The following CREB5 variants were observed in gnomAD, a reference collection of about 807,000 sequenced individuals.
CREB5 encodes the protein cAMP responsive element binding protein 5.
In CREB5, 19 loss-of-function variants were observed where a neutral mutation model predicts 57.1. That is an observed-to-expected ratio of 0.33 (90% CI 0.23 to 0.49). The LOEUF (loss-of-function observed/expected upper bound fraction) is 0.49. CREB5 is among the 20% of genes least tolerant of loss of function. The pLI is 0.99. For missense variants in CREB5, 579 were observed against 671.6 expected (o/e 0.86, Z 1.52); for synonymous variants, 238 against 238.3 (o/e 1.00, Z 0.01).
At chr7:28,815,965 A>T (rs2128808384) in intron 9 of CREB5, among the ~76,000 whole-genome samples, 1 of 152,176 alleles carries the variant, frequency 6.6e-6, no homozygotes, top group African/African-American at 2.4e-5. Flanking sequence ...TCAGGGGGCA[A>T]GGTGTCTAGC....
At chr7:28,766,692 T>C (rs1355243744) in intron 7 of CREB5, among the ~76,000 whole-genome samples, 1 of 152,150 alleles carries the variant, frequency 6.6e-6, no homozygotes, top group African/African-American at 2.4e-5. Context: ...TGCTTGGTTG[T>C]TGAAATGGAA....
chr7:28,415,213 G>GT (rs1787978745), intron 1 of CREB5, among the ~76,000 whole-genome samples: 1 of 152,108 alleles, frequency 6.6e-6, no homozygotes, highest in African/African-American at 2.4e-5. Flanking sequence ...GATTCTGATG[G>GT]TGAGTTACAA....
intron 1 of CREB5, among the ~76,000 whole-genome samples, chr7:28,475,250 CTTTTTTTTTTTTTTTTTTTTTT>C (rs530903709): frequency 1.2e-4 from 7 of 59,586 alleles, no homozygotes; most frequent in African/African-American, 5.2e-4. Flanking sequence ...TCAGAAGTTT[CTTTTTTTTTTTTTTTTTTTTTT>C]TTTTTTTTTT....
At chr7:28,696,827 C>CATACACATACGTATAT (rs1355926650) in intron 5 of CREB5, among the ~76,000 whole-genome samples, 2 of 141,262 alleles carry the variant, frequency 1.4e-5, no homozygotes, top group Non-Finnish European at 3.2e-5. Flanking sequence ...TATACGTATA[C>CATACACATACGTATAT]ATACACATAC....
intron 1 of CREB5, among the ~76,000 whole-genome samples, chr7:28,322,723 T>C (rs1785514978): frequency 6.6e-6 from 1 of 152,178 alleles, no homozygotes; most frequent in Non-Finnish European, 1.5e-5. Flanking sequence ...TGTTCCTGTG[T>C]TAGTTTGCTG....
At chr7:28,686,040 G>A (rs1254679440) in intron 5 of CREB5, 1 of 1,275,414 alleles carries the variant, frequency 7.8e-7, no homozygotes, top group Non-Finnish European at 1.1e-6. Flanking sequence ...GCAAAAGAAG[G>A]GCCAGCACAT....
chr7:28,767,429 C>T (rs138176988), intron 7 of CREB5, among the ~76,000 whole-genome samples: 181 of 152,258 alleles, frequency 1.2e-3, no homozygotes, highest in Non-Finnish European at 2.2e-3. Flanking sequence ...ACTATCTTTT[C>T]AGGAATCTTC....
chr7:28,382,717 A>G (rs1261685233), intron 1 of CREB5, among the ~76,000 whole-genome samples: 1 of 151,922 alleles, frequency 6.6e-6, no homozygotes, highest in Non-Finnish European at 1.5e-5. Flanking sequence ...TAAAATGCTG[A>G]GTAGCTTATT....
chr7:28,803,918 G>C (rs1293400034), intron 7 of CREB5, among the ~76,000 whole-genome samples: 2 of 152,100 alleles, frequency 1.3e-5, no homozygotes, highest in Non-Finnish European at 2.9e-5. Context: ...CCTTTTAGTA[G>C]AATGTATGAT....
At chr7:28,568,726 G>C (rs1448069161) in intron 4 of CREB5, among the ~76,000 whole-genome samples, 2 of 152,128 alleles carry the variant, frequency 1.3e-5, no homozygotes, top group Non-Finnish European at 2.9e-5. Context: ...TAAGCCAGGT[G>C]CCCAGTTTCC....
intron 4 of CREB5, among the ~76,000 whole-genome samples, chr7:28,521,153 A>G (rs1793190462): frequency 6.8e-6 from 1 of 146,010 alleles, no homozygotes; most frequent in Non-Finnish European, 1.5e-5. Context: ...TGGGCATGCA[A>G]GTGTGCCTGT....
chr7:28,676,431 C>T (rs1432767336), intron 5 of CREB5, among the ~76,000 whole-genome samples: 1 of 152,148 alleles, frequency 6.6e-6, no homozygotes, highest in Non-Finnish European at 1.5e-5. Flanking sequence ...AATTCAGACA[C>T]TTAATTTCCA....
intron 5 of CREB5, among the ~76,000 whole-genome samples, chr7:28,599,600 G>T (rs187727193): frequency 6.6e-6 from 1 of 152,112 alleles, no homozygotes; most frequent in Non-Finnish European, 1.5e-5. Context: ...GAAACCATGC[G>T]CCCCTATGTG....
At chr7:28,508,768 G>A (rs976837026) in intron 4 of CREB5, among the ~76,000 whole-genome samples, 7 of 151,902 alleles carry the variant, frequency 4.6e-5, no homozygotes, top group East Asian at 3.9e-4. Context: ...CAGTCAACTC[G>A]TTTTACTTAT....
intron 1 of CREB5, among the ~76,000 whole-genome samples, chr7:28,466,231 A>C (rs1178216832): frequency 1.3e-5 from 2 of 151,756 alleles, no homozygotes; most frequent in Non-Finnish European, 1.5e-5. Context: ...AAAAAAAAAA[A>C]AAAGCTCCAA....
chr7:28,660,697 T>C (rs1799577741), intron 5 of CREB5, among the ~76,000 whole-genome samples: 1 of 152,220 alleles, frequency 6.6e-6, no homozygotes. Flanking sequence ...TATGGAATTA[T>C]GCCCCCACCC....
chr7:28,796,670 T>G (rs926234856), intron 7 of CREB5, among the ~76,000 whole-genome samples: 8 of 152,348 alleles, frequency 5.3e-5, no homozygotes, highest in Non-Finnish European at 1.0e-4. Context: ...ATGATAACTT[T>G]TCTTTCTTTG....
intron 5 of CREB5, among the ~76,000 whole-genome samples, chr7:28,634,007 A>G (rs1161313680): frequency 3.3e-5 from 5 of 152,200 alleles, no homozygotes; most frequent in Admixed American, 2.0e-4. Flanking sequence ...CTTCTTGGCT[A>G]TCTGATCAGT....
intron 5 of CREB5, chr7:28,686,133 A>ACT (rs1800885429): frequency 1.2e-6 from 2 of 1,613,382 alleles, no homozygotes; most frequent in East Asian, 4.5e-5. Flanking sequence ...TTCTACACAC[A>ACT]CTCATTCCAG....
Sources: gnomAD v4.1 joint callset for allele counts (sites outside exome capture counted in the v4.1 genomes callset) on GRCh38, gnomAD v4.1.1 for gene constraint, MANE v1.5 for transcripts, NCBI Gene and HGNC (gene_info 2026-07-23, HGNC 2026-07-21) for gene names.